The following SNRNP35 variants were observed in gnomAD, a reference collection of about 807,000 sequenced individuals.
SNRNP35 encodes the protein small nuclear ribonucleoprotein U11/U12 subunit 35, also known as U11/U12 small nuclear ribonucleoprotein 35 kDa protein.
Under a neutral mutation model 24.3 loss-of-function variants are expected in SNRNP35, and 16 were observed. The observed-to-expected ratio is 0.66, with a 90% confidence interval of 0.45 to 1.00. The LOEUF (loss-of-function observed/expected upper bound fraction) is 1.00. SNRNP35 is among the 50% of genes least tolerant of loss of function. SNRNP35 has a pLI of 0.00. For missense variants in SNRNP35, 292 were observed against 327.2 expected, an observed-to-expected ratio of 0.89 and a Z score of 0.83; for synonymous variants, 106 against 124.8, an observed-to-expected ratio of 0.85 and a Z score of 1.00.
In SNRNP35 at chr12:123,465,779, T is replaced by C; in HGVS notation, c.239T>C (p.Leu80Pro). 1 of 1,614,132 alleles carries C rather than the reference T, an allele frequency of 6.2e-7. No individual in the cohort carries two copies. Among genetic ancestry groups the C allele is most frequent in the East Asian group, 2.2e-5 (1 of 44,880 alleles). The change falls in exon 2 of 2, where the codon CTT becomes CCT. Residue 80 changes from leucine (L) to proline (P), a missense_variant. By Grantham distance (98) the Leu-to-Pro change is moderately conservative (BLOSUM62 -3). Transcript: ENST00000526639. This position sits in a 1 kb window ranked among gnomAD's most constrained non-coding sequence, Gnocchi z 4.2. ...TCCCGCTATGGTGACATCCGGCGGC[T>C]TCGGCTGGTCAGGGACTTGGTCACA... ...VFSRYGDIRRLRLVRDLVTGF... is the reference protein window; with the variant it reads ...VFSRYGDIRRPRLVRDLVTGF...
At chr12:123,468,325 C>T (rs1364065464), downstream of SNRNP35, among the ~76,000 whole-genome samples, 15 of 142,966 alleles carry the variant, frequency 1.0e-4, no homozygotes, top group Admixed American at 1.1e-3. Flanking sequence ...GACCACTGCA[C>T]TCCAGCCTGG....
At chr12:123,471,982 T>C (rs1365389417) in exon 2 of SNRNP35, 1 of 153,946 alleles carries the variant, frequency 6.5e-6, no homozygotes, top group Non-Finnish European at 1.4e-5. Flanking sequence ...CCATCATCCA[T>C]ATTGTCTGTG....
downstream of SNRNP35, among the ~76,000 whole-genome samples, chr12:123,467,196 A>G (rs1161316273): frequency 6.6e-6 from 1 of 152,240 alleles, no homozygotes; most frequent in Non-Finnish European, 1.5e-5. Context: ...GAGAATGTCC[A>G]GAGCCCTAAT....
downstream of SNRNP35, among the ~76,000 whole-genome samples, chr12:123,467,644 T>C (rs1433565654): frequency 1.3e-5 from 2 of 152,226 alleles, no homozygotes; most frequent in Non-Finnish European, 2.9e-5. Flanking sequence ...AGATGTTTCA[T>C]GCAAAATAAA....
chr12:123,462,058 A>G (rs1224230328), intron 1 of SNRNP35, among the ~76,000 whole-genome samples: 1 of 152,180 alleles, frequency 6.6e-6, no homozygotes, highest in Non-Finnish European at 1.5e-5. Flanking sequence ...TCAGTTCCTC[A>G]GTATTTATCA....
At chr12:123,461,109 C>CCGG (rs1240924383) in intron 1 of SNRNP35, among the ~76,000 whole-genome samples, 2 of 151,028 alleles carry the variant, frequency 1.3e-5, no homozygotes, top group Admixed American at 6.6e-5. Flanking sequence ...GCCACCACGC[C>CCGG]CAGCCTCTTC....
chr12:123,465,493 G>A lies in SNRNP35; in HGVS notation c.-3-45G>A. On this transcript the variant is annotated intron_variant, in intron 1 of 1. Coordinates refer to ENST00000526639, the MANE Select transcript of SNRNP35 (RefSeq NM_022717.4). The surrounding 1 kb of genome is among the most constrained non-coding windows in gnomAD (Gnocchi z 4.2). ...CATTGTTGTAAGGGTTGAATGAGTG[G>A]CTCAGAGTAGAGGCTCCATCCACGC... The A allele has an allele frequency of 6.6e-7, 1 of 1,513,596 alleles. No homozygotes were observed. The highest frequency in any genetic ancestry group is 8.8e-7 in the Non-Finnish European group (1 of 1,131,388). 93.8% of individuals were successfully genotyped at this position (1,513,596 alleles called of 1,614,324 possible). A position where few individuals can be genotyped will look rare whatever the true frequency, so the allele number is the denominator to read the frequency against.
In SNRNP35 at chr12:123,466,256, G is replaced by A. The variant is rs758640869; in HGVS notation, c.716G>A (p.Arg239Lys). The change falls in exon 2 of 2, where the codon AGG becomes AAG. Residue 239 changes from arginine (R) to lysine (K), a missense_variant. By Grantham distance (26) the Arg-to-Lys change is conservative. Coordinates refer to ENST00000526639, the MANE Select transcript of SNRNP35 (RefSeq NM_022717.4). ...RDFRDDRIKG[R>K]EKKERGK is the part of the protein sequence containing the mutation. ...TTCAGAGATGACAGGATCAAGGGGAGGGAGAAGAAGGAAAGAGGCAAGTAG... is the reference window on the plus strand; with the variant it reads ...TTCAGAGATGACAGGATCAAGGGGAAGGAGAAGAAGGAAAGAGGCAAGTAG... 1.2e-5 allele frequency: 19 copies of A among 1,522,984 alleles called. No individual in the cohort carries two copies. Among genetic ancestry groups the A allele is most frequent in the Non-Finnish European group, 1.3e-5 (15 of 1,137,980 alleles). The allele number at this position is 1,522,984 out of a possible 1,614,324, so 94.3% of individuals were successfully genotyped here.
intron 1 of SNRNP35, among the ~76,000 whole-genome samples, chr12:123,460,543 A>G (rs1437778407): frequency 1.4e-5 from 2 of 142,734 alleles, no homozygotes; most frequent in South Asian, 4.7e-4. Flanking sequence ...AGGCAGAAGG[A>G]TAGCTCATGC....
At chr12:123,469,031 T>C (rs1881075725), downstream of SNRNP35, among the ~76,000 whole-genome samples, 1 of 152,154 alleles carries the variant, frequency 6.6e-6, no homozygotes, top group South Asian at 2.1e-4. Flanking sequence ...CATTAGCACC[T>C]TCCTTGGTGT....
chr12:123,459,708 A>C, intron 1 of SNRNP35: 1 of 682,956 alleles, frequency 1.5e-6, no homozygotes. Flanking sequence ...GAATCACTTG[A>C]ACCTGGGAGG....
intron 1 of SNRNP35, among the ~76,000 whole-genome samples, chr12:123,461,282 AT>A (rs71088913): frequency 0.3 from 39,189 of 131,036 alleles, 6,878 homozygotes; most frequent in African/African-American, 0.52. Context: ...CGCCTGGCTA[AT>A]TTTTTTTTTT....
At chr12:123,468,379 A>G (rs1881051559), downstream of SNRNP35, among the ~76,000 whole-genome samples, 5 of 143,546 alleles carry the variant, frequency 3.5e-5, no homozygotes, top group Middle Eastern at 0.013. Context: ...AAAAAAAGAA[A>G]AGAAAAAAAG....
rs1880869797 is a variant in SNRNP35 at position 123,465,066 on chromosome 12, TTA to T, written c.-3-468_-3-467del. Among the ~76,000 whole-genome samples, 1 of 152,228 alleles carries T rather than the reference TTA, an allele frequency of 6.6e-6. No homozygotes were observed. The highest frequency in any genetic ancestry group is 6.5e-5 in the Admixed American group (1 of 15,268). On this transcript the variant is annotated intron_variant, in intron 1 of 1. Coordinates refer to ENST00000526639, the MANE Select transcript of SNRNP35 (RefSeq NM_022717.4). The surrounding 1 kb of genome is among the most constrained non-coding windows in gnomAD (Gnocchi z 4.2). ...CGGGTGAGAAGTTTGTGGAGGGTTA[TTA>T]TATGATTCTCTATGTTGGTATTTGA...
In SNRNP35 at chr12:123,465,892, G is replaced by A. The variant is rs371331458; in HGVS notation, c.352G>A (p.Asp118Asn). ...AYRDADGLVIDQHEIFVDYEL... is the reference protein window; with the variant it reads ...AYRDADGLVINQHEIFVDYEL... ...CCGAGATGCTGATGGCCTGGTTATT[G>A]ACCAGCATGAGATATTTGTGGACTA... The change falls in exon 2 of 2, where the codon GAC (aspartate) becomes AAC (asparagine). Residue 118 changes from aspartate to asparagine, a missense_variant. By Grantham distance (23) the Asp-to-Asn change is conservative (BLOSUM62 1). Coordinates refer to ENST00000526639, the MANE Select transcript of SNRNP35 (RefSeq NM_022717.4). The surrounding 1 kb of genome is among the most constrained non-coding windows in gnomAD (Gnocchi z 4.2). The A allele has an allele frequency of 1.5e-5, 24 of 1,613,948 alleles. No homozygotes were observed. The Middle Eastern group carries it at 4.9e-4, about 33-fold the overall frequency.
downstream of SNRNP35, among the ~76,000 whole-genome samples, chr12:123,467,655 T>C (rs754655793): frequency 1.3e-5 from 2 of 152,194 alleles, no homozygotes; most frequent in African/African-American, 2.4e-5. Flanking sequence ...GCAAAATAAA[T>C]GATTTAGTAC....
chr12:123,459,781 T>C, intron 1 of SNRNP35: 1 of 1,487,420 alleles, frequency 6.7e-7, no homozygotes, highest in Non-Finnish European at 9.1e-7. Flanking sequence ...AGTGAGACTT[T>C]GTCTCGAGTA....
At chr12:123,459,579 G>A (rs1032681172) in intron 1 of SNRNP35, 1 of 339,286 alleles carries the variant, frequency 2.9e-6, no homozygotes, top group African/African-American at 2.1e-5. Flanking sequence ...TCTGACATCA[G>A]GAGTTTGAGA....
At chr12:123,464,899 TGTA>T (rs1367426805) in intron 1 of SNRNP35, 2 of 152,218 alleles carry the variant, frequency 1.3e-5, no homozygotes, top group African/African-American at 4.8e-5. Context: ...TGTTTTCTCT[TGTA>T]GTTTTAAAAA....
Sources: gnomAD v4.1 joint callset for allele counts (sites outside exome capture counted in the v4.1 genomes callset) on GRCh38, gnomAD v4.1.1 for gene constraint, Gnocchi (gnomAD v3.1) non-coding constraint, MANE v1.5 for transcripts, NCBI Gene and HGNC (gene_info 2026-07-23, HGNC 2026-07-21) for gene names.